The following MMRN1 variants were observed in gnomAD, a reference collection of about 807,000 sequenced individuals.
The protein encoded by MMRN1 is multimerin 1, also known as multimerin-1.
A neutral mutation model predicts 100.7 loss-of-function variants in MMRN1; 94 were observed. The observed-to-expected ratio is 0.93, with a 90% CI of 0.79 to 1.11. The LOEUF is 1.11. Among genes scored for constraint, MMRN1 ranks in the 50% least tolerant of loss-of-function variants. The pLI, the probability that MMRN1 is intolerant of heterozygous loss-of-function variation, is 0.00. For missense variants in MMRN1, 1,606 were observed against 1,439.1 expected, an observed-to-expected ratio of 1.12 and a Z score of -1.88; for synonymous variants, 575 against 505.0, an observed-to-expected ratio of 1.14 and a Z score of -1.86.
At chr4:89,899,300 C>T (rs563576421) in intron 1 of MMRN1, among the ~76,000 whole-genome samples, 1 of 151,902 alleles carries the variant, frequency 6.6e-6, no homozygotes, top group Admixed American at 6.6e-5. Flanking sequence ...TGACCAAGCA[C>T]TTTGAAATAG....
In MMRN1 at chr4:89,903,305, G is replaced by A. The variant is rs1021547998; in HGVS notation, c.624-5971G>A. On this transcript the variant is annotated intron_variant, in intron 1 of 7. Coordinates refer to ENST00000264790, the MANE Select transcript of MMRN1 (RefSeq NM_007351.3). Reference sequence around the variant, plus strand: ...AATAAATAGATTCTATAACACTTTGGAAGTATTTATGTTCATGACTTCTTA... The same window carrying A: ...AATAAATAGATTCTATAACACTTTGAAAGTATTTATGTTCATGACTTCTTA... Among the ~76,000 whole-genome samples, 6 of 150,814 alleles carry A rather than the reference G, an allele frequency of 4.0e-5. No individual in the cohort carries two copies. The East Asian group carries it at 9.7e-4, about 24-fold the overall frequency.
At chr4:89,905,533 G>A (rs1721539947) in intron 1 of MMRN1, among the ~76,000 whole-genome samples, 1 of 151,530 alleles carries the variant, frequency 6.6e-6, no homozygotes, top group Admixed American at 6.6e-5. Flanking sequence ...ACTTTCTCAA[G>A]TCAGAGACGC....
intron 5 of MMRN1, among the ~76,000 whole-genome samples, chr4:89,934,173 T>C (rs1021086258): frequency 2.6e-5 from 4 of 152,142 alleles, no homozygotes; most frequent in Non-Finnish European, 5.9e-5. Context: ...TATAATAATA[T>C]GTCAGGTGTA....
At chr4:89,880,660 T>C (rs1355190892) in intron 1 of MMRN1, among the ~76,000 whole-genome samples, 1 of 152,134 alleles carries the variant, frequency 6.6e-6, no homozygotes, top group Non-Finnish European at 1.5e-5. Context: ...CATTTAAGAA[T>C]TGATAAATTA....
intron 1 of MMRN1, among the ~76,000 whole-genome samples, chr4:89,907,600 T>C (rs1721608863): frequency 6.6e-6 from 1 of 151,284 alleles, no homozygotes; most frequent in South Asian, 2.1e-4. Flanking sequence ...ACCACTTCAG[T>C]TTTGCTCATT....
At chr4:89,923,016 T>G in intron 3 of MMRN1, 152 bp from the exon 4 acceptor site, 1 of 635,928 alleles carries the variant, frequency 1.6e-6, no homozygotes, top group Non-Finnish European at 2.8e-6. Flanking sequence ...GCCCTATGGT[T>G]GGGGGCGGAG....
At chr4:89,906,928 T>C (rs181805282) in intron 1 of MMRN1, among the ~76,000 whole-genome samples, 1 of 151,508 alleles carries the variant, frequency 6.6e-6, no homozygotes, top group African/African-American at 2.4e-5. Context: ...ACACTATCAT[T>C]TTGCCTCACA....
At position 89,894,915 on chromosome 4, in the gene MMRN1, G is replaced by A. The variant is rs1721139293; in HGVS notation, c.-57G>A. Reference sequence around the variant, plus strand: ...CAGTGTGGAAGCAGCTATCAAAAAGGCCATAAGGATTTTGTCCCCAAATTT... The same window carrying A: ...CAGTGTGGAAGCAGCTATCAAAAAGACCATAAGGATTTTGTCCCCAAATTT... On this transcript the variant is annotated 5_prime_UTR_variant, in exon 1 of 8. Coordinates refer to ENST00000264790, the MANE Select transcript of MMRN1 (RefSeq NM_007351.3). 1.3e-6 allele frequency: 2 copies of A among 1,552,204 alleles called. No individual in the cohort carries two copies. The highest frequency in any genetic ancestry group is 1.9e-5 in the Admixed American group (1 of 52,018).
At chr4:89,930,190 T>C (rs914753030) in intron 5 of MMRN1, among the ~76,000 whole-genome samples, 6 of 152,180 alleles carry the variant, frequency 3.9e-5, no homozygotes, top group African/African-American at 1.4e-4. Context: ...CTTGTACAGA[T>C]GCTTGTTTAG....
At chr4:89,893,435 C>T (rs1214252444), upstream of MMRN1, among the ~76,000 whole-genome samples, 2 of 152,072 alleles carry the variant, frequency 1.3e-5, no homozygotes, top group Non-Finnish European at 2.9e-5. Flanking sequence ...AATCCTGGTG[C>T]ACTGTGTCCA....
At chr4:89,913,466 T>G (rs1721818254) in intron 3 of MMRN1, among the ~76,000 whole-genome samples, 1 of 151,314 alleles carries the variant, frequency 6.6e-6, no homozygotes, top group South Asian at 2.1e-4. Context: ...CTTTTATACT[T>G]AGGAATCAAT....
chr4:89,892,655 C>G (rs1721080987), upstream of MMRN1, among the ~76,000 whole-genome samples: 4 of 151,854 alleles, frequency 2.6e-5, no homozygotes, highest in South Asian at 8.3e-4. Context: ...GAACCTTTAG[C>G]CTTTTGATTT....
chr4:89,938,517 A>T (rs62312663), intron 6 of MMRN1, among the ~76,000 whole-genome samples: 3 of 138,564 alleles, frequency 2.2e-5, no homozygotes, highest in East Asian at 2.1e-4. Flanking sequence ...ATATATTTAA[A>T]ATATATATAT....
intron 3 of MMRN1, among the ~76,000 whole-genome samples, chr4:89,915,678 C>T (rs2110603927): frequency 1.3e-5 from 2 of 151,576 alleles, no homozygotes; most frequent in South Asian, 4.2e-4. Flanking sequence ...AGTCGTTGAT[C>T]TGTCAAGGTC....
At chr4:89,888,274 A>C (rs951199130) in intron 1 of MMRN1, among the ~76,000 whole-genome samples, 2 of 151,822 alleles carry the variant, frequency 1.3e-5, no homozygotes, top group Non-Finnish European at 2.9e-5. Flanking sequence ...AGATGTCTTT[A>C]TTTCCCCTTT....
At position 89,935,026 on chromosome 4, in the gene MMRN1, A is replaced by G. The variant is rs1722561410; in HGVS notation, c.1346A>G (p.Asn449Ser). Residue 449 changes from asparagine to serine, a missense_variant, in exon 6 of 8, where the codon AAT (asparagine) becomes AGT (serine). By Grantham distance (46) the Asn-to-Ser change is conservative. Coordinates refer to ENST00000264790, the MANE Select transcript of MMRN1 (RefSeq NM_007351.3). ...AQQKFVLVQE[N>S]RPTLTDIVEL... ...CAAAAGTTTGTTTTGGTGCAAGAGA[A>G]TCGGCCCACTTTGACTGATATAGTG... The G allele has an allele frequency of 6.2e-7, 1 of 1,613,250 alleles. No homozygotes were observed. The highest frequency in any genetic ancestry group is 1.3e-5 in the African/African-American group (1 of 75,002).
intron 1 of MMRN1, among the ~76,000 whole-genome samples, chr4:89,905,163 G>A (rs1055349327): frequency 3.3e-5 from 5 of 151,422 alleles, no homozygotes; most frequent in Non-Finnish European, 7.4e-5. Context: ...CACTGAATTG[G>A]GTGGGGATTT....
At chr4:89,888,090 T>TAATA (rs140430226) in intron 1 of MMRN1, among the ~76,000 whole-genome samples, 7,051 of 151,838 alleles carry the variant, frequency 0.046, 218 homozygotes, top group African/African-American at 0.085. Flanking sequence ...TTTTAATTGA[T>TAATA]AAGATAATAT....
intron 5 of MMRN1, among the ~76,000 whole-genome samples, chr4:89,928,495 C>T (rs1308365715): frequency 6.6e-6 from 1 of 152,046 alleles, no homozygotes; most frequent in Non-Finnish European, 1.5e-5. Context: ...TAGGCTTTGC[C>T]TGAATTTTGT....
Sources: gnomAD v4.1 joint callset for allele counts (sites outside exome capture counted in the v4.1 genomes callset) on GRCh38, gnomAD v4.1.1 for gene constraint, MANE v1.5 for transcripts, NCBI Gene and HGNC (gene_info 2026-07-23, HGNC 2026-07-21) for gene names.